CPLANE1: variants seen among roughly 807,000 people sequenced by gnomAD.
CPLANE1 encodes ciliogenesis and planar polarity effector complex subunit 1.
In CPLANE1, 263 loss-of-function variants were observed where a neutral mutation model predicts 362.5. The ratio of observed to expected loss-of-function variants is 0.73; its 90% CI spans 0.66 to 0.80. The LOEUF (loss-of-function observed/expected upper bound fraction) is 0.80. CPLANE1 is among the 30% of genes least tolerant of loss of function. The pLI is 0.00. For missense variants in CPLANE1, 3,461 were observed against 3,793.4 expected (o/e 0.91, Z 2.30); for synonymous variants, 1,212 against 1,302.6 (o/e 0.93, Z 1.50).
rs531416262 is a variant in CPLANE1, at chr5:37,240,123, G to A, written c.678-254C>T. On this transcript the variant is annotated intron_variant, in intron 6 of 52. Transcript: ENST00000651892. ...TCCCAGCACTTTAGGAGGCAGAGAC[G>A]GGTGGATCACTTGAGGCCAGGAGTC... 1.3e-3 allele frequency among the ~76,000 whole-genome samples: 192 copies of A among 152,190 alleles called. 1 individual carries two copies. The highest frequency in any genetic ancestry group is 8.1e-3 in the South Asian group (39 of 4,822).
chr5:37,121,441 G>T (rs1047160952), intron 49 of CPLANE1, among the ~76,000 whole-genome samples, 176 bp downstream of exon 49: 2 of 152,102 alleles, frequency 1.3e-5, no homozygotes, highest in Non-Finnish European at 2.9e-5. Flanking sequence ...CTTTTTCCTT[G>T]GTGATTCTAT....
At chr5:37,190,720 T>C (rs1785299683) in intron 21 of CPLANE1, among the ~76,000 whole-genome samples, 1 of 152,182 alleles carries the variant, frequency 6.6e-6, no homozygotes, top group Non-Finnish European at 1.5e-5. Context: ...AGACTGCATA[T>C]ACTATGGTGC....
chr5:37,196,140 TACA>T (rs1787352696), intron 20 of CPLANE1, 144 bp from the exon 21 acceptor site: 15 of 517,186 alleles, frequency 2.9e-5, no homozygotes, highest in African/African-American at 4.0e-5. Flanking sequence ...TTCAGAAACT[TACA>T]AATTTAATTC....
intron 19 of CPLANE1, among the ~76,000 whole-genome samples, chr5:37,200,778 G>C (rs1278127640): frequency 2.6e-5 from 4 of 151,630 alleles, no homozygotes; most frequent in Non-Finnish European, 5.9e-5. Context: ...CAATTGAATA[G>C]TGTAGGAAAA....
rs72736764 is a variant in CPLANE1 at position 37,223,755 on chromosome 5, G to A, written c.2581+498C>T. Among the ~76,000 whole-genome samples, 1,148 of 152,196 alleles carry A rather than the reference G, an allele frequency of 7.5e-3. 9 individuals carry two copies. The highest frequency in any genetic ancestry group is 0.012 in the Non-Finnish European group (843 of 68,010). On this transcript the variant is annotated intron_variant, in intron 14 of 52. Transcript: ENST00000651892. Reference sequence around the variant, plus strand: ...AATTCTTAAAGTTAAATTACTTAAAGGCAAAAAGCCCTCGCTCCATGTTTC... The same window carrying A: ...AATTCTTAAAGTTAAATTACTTAAAAGCAAAAAGCCCTCGCTCCATGTTTC...
At chr5:37,127,229 G>A (rs1332621511) in intron 46 of CPLANE1, among the ~76,000 whole-genome samples, 1 of 152,194 alleles carries the variant, frequency 6.6e-6, no homozygotes, top group Non-Finnish European at 1.5e-5. Flanking sequence ...TATTTGCTGA[G>A]TTCTGTGCAT....
Position 37,187,492 on chromosome 5 carries a change from G to C in CPLANE1, c.4002C>G (p.Phe1334Leu). The C allele has an allele frequency of 6.2e-7, 1 of 1,613,576 alleles. No homozygotes were observed. Among genetic ancestry groups the C allele is most frequent in the South Asian group, 1.1e-5 (1 of 91,046 alleles). Reference protein sequence around the residue: ...AVEWAYRMLPFSRFFNMEELI... With the variant: ...AVEWAYRMLPLSRFFNMEELI... ...GTTCTTCCATATTAAAAAACCGAGA[G>C]AAAGGCAGCATTCTATAAGCCCATT... Residue 1334 changes from phenylalanine (F) to leucine (L), a missense_variant, in exon 23 of 53, where the codon TTC becomes TTG. Coordinates refer to ENST00000651892, the MANE Select transcript of CPLANE1 (RefSeq NM_001384732.1).
intron 50 of CPLANE1, 41 bp from the exon 51 acceptor site, chr5:37,115,090 C>T: frequency 8.0e-7 from 1 of 1,251,242 alleles, no homozygotes; most frequent in Non-Finnish European, 1.2e-6. Flanking sequence ...CCATAGACAT[C>T]CATGATTTTT....
intron 21 of CPLANE1, among the ~76,000 whole-genome samples, chr5:37,189,341 T>G (rs1289340275): frequency 1.3e-5 from 2 of 152,138 alleles, no homozygotes; most frequent in East Asian, 1.9e-4. Context: ...GAGAGGATGG[T>G]GGGTACATGG....
At chr5:37,244,292 T>C (rs768128675) in intron 5 of CPLANE1, 83 bp downstream of exon 5, 43 of 761,570 alleles carry the variant, frequency 5.6e-5, no homozygotes, top group Non-Finnish European at 8.0e-5. Flanking sequence ...CTATGAAAAT[T>C]TATGGTGACT....
chr5:37,216,669 G>A (rs531695143), intron 15 of CPLANE1, among the ~76,000 whole-genome samples: 1 of 152,304 alleles, frequency 6.6e-6, no homozygotes, highest in Admixed American at 6.5e-5. Context: ...GAGGACATGC[G>A]TCATTCCCAC....
At chr5:37,173,605 AGTTATAAAC>A (rs1252440547) in intron 32 of CPLANE1, 141 bp downstream of exon 32, 22 of 676,634 alleles carry the variant, frequency 3.3e-5, no homozygotes, top group Non-Finnish European at 4.8e-5. Flanking sequence ...GCGCCCAACC[AGTTATAAAC>A]ATTTGAATGA....
chr5:37,142,010 A>G, intron 44 of CPLANE1: 1 of 708,028 alleles, frequency 1.4e-6, no homozygotes, highest in Non-Finnish European at 1.8e-6. Context: ...TTATAATTGG[A>G]AGAGTTTTAA....
At chr5:37,227,916 A>C in intron 9 of CPLANE1, 99 bp from the exon 10 acceptor site, 1 of 1,194,872 alleles carries the variant, frequency 8.4e-7, no homozygotes, top group Non-Finnish European at 1.1e-6. Context: ...CAGAACAATG[A>C]AAAAGCAAGC....
intron 51 of CPLANE1, among the ~76,000 whole-genome samples, chr5:37,108,966 T>C (rs1243200217): frequency 6.6e-6 from 1 of 152,234 alleles, no homozygotes; most frequent in Non-Finnish European, 1.5e-5. Context: ...ATATCAGTAT[T>C]TGTTGAAAAG....
Position 37,195,992 on chromosome 5 carries a change from C to T in CPLANE1, c.3677G>A (p.Arg1226Gln), listed in dbSNP as rs1787298460. 6.3e-6 allele frequency: 10 copies of T among 1,595,558 alleles called. No homozygotes were observed. The highest frequency in any genetic ancestry group is 1.1e-5 in the South Asian group (1 of 87,244). ...CAGTGAAGGAAGGGATCCTTTCATT[C>T]GAATCTAAAAGTAAAGAATAACCGA... ...RWARKVMQKI[R>Q]MKGSLPSLSP... Residue 1226 changes from arginine to glutamine, a missense_variant, in exon 21 of 53, where the codon CGA (arginine) becomes CAA (glutamine). Physicochemically the swap from Arg to Gln is conservative, Grantham distance 43. Coordinates refer to ENST00000651892, the MANE Select transcript of CPLANE1 (RefSeq NM_001384732.1).
At position 37,173,946 on chromosome 5, in the gene CPLANE1, C is replaced by CCAT; in HGVS notation, c.5979_5980insATG (p.Ser1993_Ala1994insMet). The CCAT allele has an allele frequency of 6.2e-7, 1 of 1,611,814 alleles. No individual in the cohort carries two copies. The highest frequency in any genetic ancestry group is 1.1e-5 in the South Asian group (1 of 90,884). ...TTTTCTTTATATGTAGAAATCTGTG[C>CCAT]ACTGCGTGGAAAGCATTTAAATAAA... On this transcript the variant is annotated inframe_insertion and splice_region_variant, in exon 32 of 53. Coordinates refer to ENST00000651892, the MANE Select transcript of CPLANE1 (RefSeq NM_001384732.1).
Position 37,245,482 on chromosome 5 carries a change from C to T in CPLANE1, c.334G>A (p.Val112Ile). Residue 112 changes from valine (V) to isoleucine (I), a missense_variant, in exon 4 of 53, where the codon GTC becomes ATC. Coordinates refer to ENST00000651892, the MANE Select transcript of CPLANE1 (RefSeq NM_001384732.1). ...AAACAAATAAAAAAATTCCCACCGA[C>T]TGTAGCTTTGATCATTTCCTTAGGC... ...EKPKEMIKAT[V>I]ASSLRLYLYV... 6.8e-7 allele frequency: 1 copy of T among 1,468,766 alleles called. No individual in the cohort carries two copies. Among genetic ancestry groups the T allele is most frequent in the Admixed American group, 2.7e-5 (1 of 37,626 alleles). 91.0% of individuals were successfully genotyped at this position (1,468,766 alleles called of 1,614,324 possible).
chr5:37,168,768 A>C, intron 34 of CPLANE1, 23 bp downstream of exon 34: 1 of 1,590,378 alleles, frequency 6.3e-7, no homozygotes. Flanking sequence ...CTGCTTTTGC[A>C]TTACCATACA....
Sources: gnomAD v4.1 joint callset for allele counts (sites outside exome capture counted in the v4.1 genomes callset) on GRCh38, gnomAD v4.1.1 for gene constraint, MANE v1.5 for transcripts, NCBI Gene and HGNC (gene_info 2026-07-23, HGNC 2026-07-21) for gene names.